FRRS1L: variants seen among roughly 807,000 people sequenced by gnomAD.
FRRS1L encodes the protein ferric chelate reductase 1 like.
FRRS1L carries 22 observed loss-of-function variants against 28.6 expected under a neutral mutation model. The ratio of observed to expected loss-of-function variants is 0.77; its 90% confidence interval spans 0.55 to 1.10. FRRS1L has a LOEUF of 1.10. FRRS1L is among the 50% of genes least tolerant of loss of function. The probability of loss-of-function intolerance (pLI) is 0.00; values close to 1 mark genes in which losing one functional copy is unlikely to be tolerated. For missense variants in FRRS1L, 380 were observed against 386.9 expected, an observed-to-expected ratio of 0.98 and a Z score of 0.15; for synonymous variants, 158 against 151.4, an observed-to-expected ratio of 1.04 and a Z score of -0.32.
At chr9:109,149,589 T>G in intron 2 of FRRS1L, 47 bp downstream of exon 2, 1 of 1,259,166 alleles carries the variant, frequency 7.9e-7, no homozygotes. Context: ...CCCTGAGAAG[T>G]AAATCAGTCT....
At position 109,132,788 on chromosome 9, in the gene FRRS1L, A is replaced by G. The variant is rs1473751390; in HGVS notation, c.*4667T>C. ...ATTTGTGACATTTGAAAAGTACATG[A>G]AATTCAAAGTTCAGTGTCAATTAAG... On this transcript the variant is annotated 3_prime_UTR_variant, in exon 5 of 5. Transcript: ENST00000561981. 1 of 152,250 alleles carries G rather than the reference A, an allele frequency of 6.6e-6. No homozygotes were observed. The highest frequency in any genetic ancestry group is 1.9e-4 in the East Asian group (1 of 5,202). The allele number at this position is 152,250 out of a possible 1,614,324, so 9.4% of individuals were successfully genotyped here.
At chr9:109,154,300 T>C (rs1831376814) in intron 1 of FRRS1L, among the ~76,000 whole-genome samples, 1 of 152,236 alleles carries the variant, frequency 6.6e-6, no homozygotes, top group African/African-American at 2.4e-5. Flanking sequence ...ATCTTGGTAC[T>C]CCCTTTTTGC....
At position 109,149,311 on chromosome 9, in the gene FRRS1L, C is replaced by T. The variant is rs546179646; in HGVS notation, c.323+325G>A. On this transcript the variant is annotated intron_variant, in intron 2 of 4. Coordinates refer to ENST00000561981, the MANE Select transcript of FRRS1L (RefSeq NM_014334.4). ...TGTCTATCATTGCCTGTCCTGCCCA[C>T]AGCCCCTGCTGAATAAGCACAGACA... Among the ~76,000 whole-genome samples the T allele has an allele frequency of 4.6e-5, 7 of 152,342 alleles. No individual in the cohort carries two copies. The South Asian group carries it at 1.4e-3, about 32-fold the overall frequency.
Position 109,130,918 on chromosome 9 carries a change from C to T in FRRS1L, c.*6537G>A, listed in dbSNP as rs1831049924. The T allele has an allele frequency of 6.6e-6, 1 of 152,186 alleles. No individual in the cohort carries two copies. Among genetic ancestry groups the T allele is most frequent in the East Asian group, 1.9e-4 (1 of 5,196 alleles). 9.4% of individuals were successfully genotyped at this position (152,186 alleles called of 1,614,324 possible). On this transcript the variant is annotated 3_prime_UTR_variant, in exon 5 of 5. Transcript: ENST00000561981. Reference sequence around the variant, plus strand: ...AGAATCCAACCAAATGGCTATCAGCCTAATAGCAAATATCCAGGGGAAAAC... The same window carrying T: ...AGAATCCAACCAAATGGCTATCAGCTTAATAGCAAATATCCAGGGGAAAAC...
intron 1 of FRRS1L, among the ~76,000 whole-genome samples, chr9:109,158,890 A>G (rs904546370): frequency 6.6e-6 from 1 of 152,238 alleles, no homozygotes; most frequent in Admixed American, 6.5e-5. Flanking sequence ...AGAAACTGCC[A>G]AACTATTTTC....
intron 2 of FRRS1L, chr9:109,147,417 C>T: frequency 2.1e-6 from 1 of 481,246 alleles, no homozygotes; most frequent in East Asian, 3.4e-5. Flanking sequence ...AGGGGCTTGC[C>T]CGAGGTTGTA....
intron 3 of FRRS1L, among the ~76,000 whole-genome samples, chr9:109,145,942 T>A (rs1831254460): frequency 6.6e-6 from 1 of 152,168 alleles, no homozygotes; most frequent in South Asian, 2.1e-4. Flanking sequence ...ATGCCTGTAA[T>A]CCCAGGACTC....
At position 109,134,834 on chromosome 9, in the gene FRRS1L, G is replaced by T. The variant is rs1564226752; in HGVS notation, c.*2621C>A. On this transcript the variant is annotated 3_prime_UTR_variant, in exon 5 of 5. Transcript: ENST00000561981. ...AAGAGAGAGAAATATAAAAATATTT[G>T]CTTCTTATTTACAACATGGCTGCCT... 1 of 152,102 alleles carries T rather than the reference G, an allele frequency of 6.6e-6. No individual in the cohort carries two copies. Among genetic ancestry groups the T allele is most frequent in the African/African-American group, 2.4e-5 (1 of 41,406 alleles). The allele number at this position is 152,102 out of a possible 1,614,324, so 9.4% of individuals were successfully genotyped here. A position where few individuals can be genotyped will look rare whatever the true frequency, so the allele number is the denominator to read the frequency against.
chr9:109,152,724 A>G (rs1346637226), intron 1 of FRRS1L, among the ~76,000 whole-genome samples: 1 of 145,634 alleles, frequency 6.9e-6, no homozygotes, highest in East Asian at 2.2e-4. Flanking sequence ...GAATGGCATG[A>G]ACCCGGGAGG....
rs145557404 is a variant in FRRS1L, at chr9:109,162,941, A to G, written c.238+3960T>C. On this transcript the variant is annotated intron_variant, in intron 1 of 4. Transcript: ENST00000561981. ...GTAGTCAGATGACTATGCCTTAAAG[A>G]TAAGTGACCATAAATGATGTTCTGT... Among the ~76,000 whole-genome samples, 92 of 152,330 alleles carry G rather than the reference A, an allele frequency of 6.0e-4. No individual in the cohort carries two copies. The East Asian group carries it at 0.017, about 28-fold the overall frequency.
chr9:109,156,002 C>T lies in FRRS1L; in HGVS notation c.239-6282G>A, dbSNP rs182750147. ...AAAATGGATGCTTGCATCCCATTCC[C>T]TCCCTTCACATAACCCAGTTCTGAC... On this transcript the variant is annotated intron_variant, in intron 1 of 4. Coordinates refer to ENST00000561981, the MANE Select transcript of FRRS1L (RefSeq NM_014334.4). Among the ~76,000 whole-genome samples, 389 of 152,276 alleles carry T rather than the reference C, an allele frequency of 2.6e-3. 10 individuals are homozygous for T. The highest frequency in any genetic ancestry group is 0.024 in the Admixed American group (364 of 15,294).
chr9:109,153,800 C>T (rs1307622597), intron 1 of FRRS1L, among the ~76,000 whole-genome samples: 1 of 152,118 alleles, frequency 6.6e-6, no homozygotes, highest in East Asian at 1.9e-4. Flanking sequence ...ATAAGCAGAG[C>T]AGAATTAGAT....
intron 3 of FRRS1L, among the ~76,000 whole-genome samples, chr9:109,145,895 A>G (rs1470792655): frequency 6.6e-6 from 1 of 152,110 alleles, no homozygotes; most frequent in Non-Finnish European, 1.5e-5. Context: ...AATAGCCTTC[A>G]TAATAAATGA....
chr9:109,156,764 C>G (rs1315490895), intron 1 of FRRS1L, among the ~76,000 whole-genome samples: 81 of 151,232 alleles, frequency 5.4e-4, no homozygotes. Context: ...TGACTGTAAC[C>G]TCCACCTCCC....
At chr9:109,156,697 T>G (rs1287815012) in intron 1 of FRRS1L, among the ~76,000 whole-genome samples, 1 of 151,394 alleles carries the variant, frequency 6.6e-6, no homozygotes, top group African/African-American at 2.4e-5. Flanking sequence ...ATGTTTTTTT[T>G]TTTTTTTTTG....
chr9:109,142,575 A>G (rs1009527492), intron 3 of FRRS1L, among the ~76,000 whole-genome samples: 11 of 152,214 alleles, frequency 7.2e-5, no homozygotes, highest in Non-Finnish European at 1.2e-4. Flanking sequence ...ACAATGTGGG[A>G]AGTCAAGACA....
intron 3 of FRRS1L, among the ~76,000 whole-genome samples, chr9:109,144,655 A>G (rs908664976): frequency 3.3e-5 from 5 of 150,806 alleles, no homozygotes; most frequent in African/African-American, 1.2e-4. Flanking sequence ...GTGAGCCACC[A>G]TGCCCAGCCA....
Position 109,167,007 on chromosome 9 carries a change from TC to T in FRRS1L, c.131del (p.Gly44AspfsTer84). On this transcript the variant is annotated frameshift_variant, in exon 1 of 5. Transcript: ENST00000561981. LOFTEE classifies it high-confidence loss of function. Reference protein sequence around the residue: ...GAGPGGRGPRGRARGDTGADE... With the variant: ...GAGPGGRGPRXRARGDTGADE... ...CGGCGCCCGTGTCCCCCCGCGCGCGTCCCCGGGGTCCCCGGCCCCCCGGGCC... is the reference window on the plus strand; with the variant it reads ...CGGCGCCCGTGTCCCCCCGCGCGCGTCCCGGGGTCCCCGGCCCCCCGGGCC... 8.3e-7 allele frequency: 1 copy of T among 1,203,712 alleles called. No individual in the cohort carries two copies. 74.6% of individuals were successfully genotyped at this position (1,203,712 alleles called of 1,614,324 possible).
At chr9:109,145,429 C>T (rs111569326) in intron 3 of FRRS1L, among the ~76,000 whole-genome samples, 5,372 of 152,296 alleles carry the variant, frequency 0.035, 130 homozygotes, top group Middle Eastern at 0.058. Context: ...AGGCCAGGCA[C>T]GGAAGTGCCT....
Sources: allele counts gnomAD v4.1 joint callset (sites outside exome capture counted in the v4.1 genomes callset), GRCh38; gene constraint gnomAD v4.1.1; transcripts MANE v1.5; gene names NCBI Gene and HGNC (gene_info 2026-07-23, HGNC 2026-07-21).